GREM1: variants seen among roughly 807,000 people sequenced by gnomAD.
The protein encoded by GREM1 is gremlin-1.
GREM1 carries 6 observed loss-of-function variants against 13.1 expected under a neutral mutation model. The ratio of observed to expected loss-of-function variants is 0.46; its 90% CI spans 0.25 to 0.91. GREM1 has a LOEUF of 0.91. GREM1 is among the 40% of genes least tolerant of loss of function. GREM1 has a pLI of 0.18. For missense variants in GREM1, 185 were observed against 233.9 expected, an observed-to-expected ratio of 0.79 and a Z score of 1.36; for synonymous variants, 98 against 93.7, an observed-to-expected ratio of 1.05 and a Z score of -0.27.
chr15:32,724,964 G>A (rs576034366), intron 1 of GREM1, among the ~76,000 whole-genome samples: 1 of 152,296 alleles, frequency 6.6e-6, no homozygotes, highest in South Asian at 2.1e-4. Flanking sequence ...CAAAGGACAT[G>A]AACTCATCCT....
intron 1 of GREM1, among the ~76,000 whole-genome samples, chr15:32,720,968 C>G (rs1404350410): frequency 1.3e-5 from 2 of 152,086 alleles, no homozygotes; most frequent in East Asian, 3.9e-4. Context: ...ACCAGCCTGA[C>G]CAACATGGAA....
chr15:32,730,638 A>G, intron 1 of GREM1, 52 bp from the exon 2 acceptor site: 1 of 1,280,786 alleles, frequency 7.8e-7, no homozygotes, highest in South Asian at 1.5e-5. Flanking sequence ...TAATTTTTAA[A>G]TTAACTTTGC....
At chr15:32,724,746 A>G (rs950811302) in intron 1 of GREM1, among the ~76,000 whole-genome samples, 15 of 151,860 alleles carry the variant, frequency 9.9e-5, no homozygotes, top group Admixed American at 2.0e-4. Flanking sequence ...CCATCAACCC[A>G]TCATCTACAT....
chr15:32,726,286 C>T (rs2140680244), intron 1 of GREM1, among the ~76,000 whole-genome samples: 1 of 152,096 alleles, frequency 6.6e-6, no homozygotes, highest in East Asian at 1.9e-4. Flanking sequence ...AAACAGAAAT[C>T]CTAACAGTCT....
rs1432288031 is a variant in GREM1, at chr15:32,738,130, A to AAAAAAAAAAACCAAAC, written c.*6888_*6889insAAAAAAACCAAACAAA. The AAAAAAAAAAACCAAAC allele has an allele frequency of 7.1e-6, 1 of 141,664 alleles. No homozygotes were observed. Among genetic ancestry groups the AAAAAAAAAAACCAAAC allele is most frequent in the African/African-American group, 2.6e-5 (1 of 37,900 alleles). The allele number at this position is 141,664 out of a possible 1,614,324, so 8.8% of individuals were successfully genotyped here. A position where few individuals can be genotyped will look rare whatever the true frequency, so the allele number is the denominator to read the frequency against. On this transcript the variant is annotated 3_prime_UTR_variant, in exon 2 of 2. Coordinates refer to ENST00000651154, the MANE Select transcript of GREM1 (RefSeq NM_013372.7). Reference sequence around the variant, plus strand: ...AAAAAAAAAAAAAAAAAAAAAAAAAAAAAGAAAAGAAAAAAGTCATCCAGA... The same window carrying AAAAAAAAAAACCAAAC: ...AAAAAAAAAAAAAAAAAAAAAAAAAAAAAAAAAAAACCAAACAAAGAAAAGAAAAAAGTCATCCAGA...
At position 32,738,125 on chromosome 15, in the gene GREM1, A is replaced by AAAAC. The variant is rs2055726459; in HGVS notation, c.*6883_*6884insCAAA. ...AAAAAAAAAAAAAAAAAAAAAAAAA[A>AAAAC]AAAAAAAAGAAAAGAAAAAAGTCAT... On this transcript the variant is annotated 3_prime_UTR_variant, in exon 2 of 2. Coordinates refer to ENST00000651154, the MANE Select transcript of GREM1 (RefSeq NM_013372.7). 7 of 27,986 alleles carry AAAAC rather than the reference A, an allele frequency of 2.5e-4. 1 individual carries two copies. Among genetic ancestry groups the AAAAC allele is most frequent in the Admixed American group, 1.3e-3 (3 of 2,290 alleles). 1.7% of individuals were successfully genotyped at this position (27,986 alleles called of 1,614,324 possible).
In GREM1 at chr15:32,725,542, T is replaced by C. The variant is rs555370829; in HGVS notation, c.-1-5148T>C. On this transcript the variant is annotated intron_variant, in intron 1 of 1. Transcript: ENST00000651154. ...TGGTAGATTCTGGATATTAGCCCTT[T>C]GTCAGATGGATAGACTGCAAAAATT... Among the ~76,000 whole-genome samples, 15 of 152,362 alleles carry C rather than the reference T, an allele frequency of 9.8e-5. No individual in the cohort carries two copies. In the South Asian group the frequency reaches 1.2e-3, roughly 13 times the overall value.
At chr15:32,729,557 C>T (rs1459617755) in intron 1 of GREM1, among the ~76,000 whole-genome samples, 1 of 151,788 alleles carries the variant, frequency 6.6e-6, no homozygotes, top group East Asian at 1.9e-4. Context: ...ATTCTTTTCT[C>T]TCTCTGTCTA....
At chr15:32,727,062 C>G (rs938724960) in intron 1 of GREM1, among the ~76,000 whole-genome samples, 1 of 152,138 alleles carries the variant, frequency 6.6e-6, no homozygotes, top group African/African-American at 2.4e-5. Flanking sequence ...GATTCACAGC[C>G]GAAGTCTACC....
Position 32,731,726 on chromosome 15 carries a change from A to G in GREM1, c.*481A>G, listed in dbSNP as rs908485813. The G allele has an allele frequency of 4.8e-5, 12 of 247,638 alleles. No individual in the cohort carries two copies. Among genetic ancestry groups the G allele is most frequent in the African/African-American group, 2.7e-4 (12 of 45,016 alleles). The allele number at this position is 247,638 out of a possible 1,614,324, so 15.3% of individuals were successfully genotyped here. A position where few individuals can be genotyped will look rare whatever the true frequency, so the allele number is the denominator to read the frequency against. On this transcript the variant is annotated 3_prime_UTR_variant, in exon 2 of 2. Transcript: ENST00000651154. ...GCATCCTCCTTTCCTCCTCCTCCTCACAATCCATCTCTTCTTAAGTTGATA... is the reference window on the plus strand; with the variant it reads ...GCATCCTCCTTTCCTCCTCCTCCTCGCAATCCATCTCTTCTTAAGTTGATA...
At chr15:32,729,323 G>A (rs994197408) in intron 1 of GREM1, among the ~76,000 whole-genome samples, 1 of 152,110 alleles carries the variant, frequency 6.6e-6, no homozygotes, top group Non-Finnish European at 1.5e-5. Flanking sequence ...CACTGCGCCC[G>A]GCCAATTGTC....
rs940743575 is a variant in GREM1 at position 32,732,269 on chromosome 15, C to T, written c.*1024C>T. 4 of 237,458 alleles carry T rather than the reference C, an allele frequency of 1.7e-5. No homozygotes were observed. Among genetic ancestry groups the T allele is most frequent in the Non-Finnish European group, 3.6e-5 (4 of 111,688 alleles). 14.7% of individuals were successfully genotyped at this position (237,458 alleles called of 1,614,324 possible). On this transcript the variant is annotated 3_prime_UTR_variant, in exon 2 of 2. Transcript: ENST00000651154. ...ATCAAAAACCTCAGAGGCTGAAATTCCTAATACCTTTCCTTTATCGTGGTT... is the reference window on the plus strand; with the variant it reads ...ATCAAAAACCTCAGAGGCTGAAATTTCTAATACCTTTCCTTTATCGTGGTT...
At chr15:32,730,652 G>GT in intron 1 of GREM1, 38 bp from the exon 2 acceptor site, 1 of 1,420,882 alleles carries the variant, frequency 7.0e-7, no homozygotes. Context: ...ACTTTGCCAT[G>GT]TTTTGTGTCT....
rs28855511 is a variant in GREM1 at position 32,726,812 on chromosome 15, G to A, written c.-1-3878G>A. 0.098 allele frequency among the ~76,000 whole-genome samples: 14,706 copies of A among 149,562 alleles called. 763 individuals carry two copies. Among genetic ancestry groups the A allele is most frequent in the East Asian group, 0.21 (1,097 of 5,116 alleles). ...AAATAGACAATAGACACAATAAAAAGTGATAAAGGGGATATCACCACTGAT... is the reference window on the plus strand; with the variant it reads ...AAATAGACAATAGACACAATAAAAAATGATAAAGGGGATATCACCACTGAT... On this transcript the variant is annotated intron_variant, in intron 1 of 1. Coordinates refer to ENST00000651154, the MANE Select transcript of GREM1 (RefSeq NM_013372.7).
chr15:32,727,685 G>A (rs2055537168), intron 1 of GREM1, among the ~76,000 whole-genome samples: 1 of 152,180 alleles, frequency 6.6e-6, no homozygotes, highest in African/African-American at 2.4e-5. Context: ...CAAATAGGAA[G>A]AGAGGAAGTC....
At chr15:32,726,721 T>G (rs992031797) in intron 1 of GREM1, among the ~76,000 whole-genome samples, 3 of 151,286 alleles carry the variant, frequency 2.0e-5, no homozygotes, top group Non-Finnish European at 4.4e-5. Flanking sequence ...TTTTTTTTTT[T>G]TTTTTGAAAA....
In GREM1 at chr15:32,738,125, A is replaced by AAAACAAAC. The variant is rs2055726459; in HGVS notation, c.*6883_*6884insCAAACAAA. The AAAACAAAC allele has an allele frequency of 7.2e-5, 2 of 27,966 alleles. 1 individual carries two copies. Among genetic ancestry groups the AAAACAAAC allele is most frequent in the East Asian group, 3.8e-3 (2 of 524 alleles). The allele number at this position is 27,966 out of a possible 1,614,324, so 1.7% of individuals were successfully genotyped here. ...AAAAAAAAAAAAAAAAAAAAAAAAA[A>AAAACAAAC]AAAAAAAAGAAAAGAAAAAAGTCAT... On this transcript the variant is annotated 3_prime_UTR_variant, in exon 2 of 2. Coordinates refer to ENST00000651154, the MANE Select transcript of GREM1 (RefSeq NM_013372.7).
intron 1 of GREM1, among the ~76,000 whole-genome samples, chr15:32,729,006 C>CA (rs1567111822): frequency 1.4e-5 from 2 of 147,244 alleles, no homozygotes; most frequent in African/African-American, 2.5e-5. Context: ...TCTGCACTTT[C>CA]TTTTTTTTTT....
In GREM1 at chr15:32,726,710, GTTTTT is replaced by G. The variant is rs3054576; in HGVS notation, c.-1-3968_-1-3964del. On this transcript the variant is annotated intron_variant, in intron 1 of 1. Transcript: ENST00000651154. ...CAAAAAATCAATGAACCCAGGAGCT[GTTTTT>G]TTTTTTTTTTTGAAAAGATTAATGA... Among the ~76,000 whole-genome samples, 1,351 of 142,562 alleles carry G rather than the reference GTTTTT, an allele frequency of 9.5e-3. 17 individuals are homozygous for G. Among genetic ancestry groups the G allele is most frequent in the African/African-American group, 0.032 (1,260 of 39,364 alleles). The allele number at this position is 142,562 out of a possible 152,430, so 93.5% of individuals were successfully genotyped here. A position where few individuals can be genotyped will look rare whatever the true frequency, so the allele number is the denominator to read the frequency against.
Sources: gnomAD v4.1 joint callset for allele counts (sites outside exome capture counted in the v4.1 genomes callset) on GRCh38, gnomAD v4.1.1 for gene constraint, MANE v1.5 for transcripts, NCBI Gene and HGNC (gene_info 2026-07-23, HGNC 2026-07-21) for gene names.